Variants in MSRA observed in about 807,000 individuals in gnomAD.
MSRA encodes the protein mitochondrial peptide methionine sulfoxide reductase.
In MSRA, 54 loss-of-function variants were observed where a neutral mutation model predicts 31.3. The ratio of observed to expected loss-of-function variants is 1.73; its 90% CI spans 1.39 to 2.17. The LOEUF (loss-of-function observed/expected upper bound fraction) is 2.17, where lower values mean the gene tolerates loss of function less well. Ranked by LOEUF, MSRA falls within the 30% of genes most tolerant of loss-of-function variation. The pLI is 0.00. For synonymous variants in MSRA, 169 were observed against 116.5 expected, an observed-to-expected ratio of 1.45 and a Z score of -2.90; for missense variants, 507 against 300.9, an observed-to-expected ratio of 1.69 and a Z score of -5.07.
intron 1 of MSRA, among the ~76,000 whole-genome samples, chr8:10,081,475 CACACTGAATTG>C (rs1388101096): frequency 6.6e-6 from 1 of 152,170 alleles, no homozygotes; most frequent in Non-Finnish European, 1.5e-5. Context: ...ACCTCTTTTT[CACACTGAATTG>C]ACTCCTTTTC....
intron 3 of MSRA, among the ~76,000 whole-genome samples, chr8:10,293,957 A>G (rs1191888336): frequency 6.6e-6 from 1 of 152,048 alleles, no homozygotes. Flanking sequence ...TAACCTCAAC[A>G]CTTCGAAAGG....
intron 1 of MSRA, among the ~76,000 whole-genome samples, chr8:10,093,119 G>A (rs1798940240): frequency 6.6e-6 from 1 of 151,916 alleles, no homozygotes; most frequent in African/African-American, 2.4e-5. Context: ...GTTGAATTTT[G>A]TTTTAAAATT....
At chr8:10,365,871 C>G (rs911807707) in intron 5 of MSRA, among the ~76,000 whole-genome samples, 2 of 152,208 alleles carry the variant, frequency 1.3e-5, no homozygotes, top group African/African-American at 2.4e-5. Context: ...ACCCAGGACT[C>G]CTGGCTCCAG....
intron 1 of MSRA, among the ~76,000 whole-genome samples, chr8:10,193,606 C>G (rs7840473): frequency 0.021 from 3,173 of 152,308 alleles, 45 homozygotes; most frequent in Middle Eastern, 0.044. Context: ...TCTCCACTGA[C>G]TTCCCTGAGT....
intron 5 of MSRA, among the ~76,000 whole-genome samples, chr8:10,382,441 T>C (rs1423686951): frequency 6.6e-6 from 1 of 152,212 alleles, no homozygotes; most frequent in Non-Finnish European, 1.5e-5. Context: ...GAAAGGTCCC[T>C]CTAGCAGCTG....
At chr8:10,185,911 A>T (rs1258939473) in intron 1 of MSRA, among the ~76,000 whole-genome samples, 6 of 151,880 alleles carry the variant, frequency 4.0e-5, no homozygotes, top group Non-Finnish European at 8.8e-5. Flanking sequence ...TTTTTCAGAG[A>T]AGGAAAGCAC....
chr8:10,387,043 T>G (rs894755298), intron 5 of MSRA, among the ~76,000 whole-genome samples: 3 of 152,064 alleles, frequency 2.0e-5, no homozygotes, highest in African/African-American at 7.2e-5. Flanking sequence ...AGGTCCAGGG[T>G]GGGGCCTGAG....
At chr8:10,244,334 A>G (rs1019857541) in intron 2 of MSRA, among the ~76,000 whole-genome samples, 8 of 152,184 alleles carry the variant, frequency 5.3e-5, no homozygotes, top group African/African-American at 1.7e-4. Context: ...AACATTTGCG[A>G]CGTGCGTGAG....
intron 5 of MSRA, among the ~76,000 whole-genome samples, chr8:10,380,046 GA>G (rs1385291256): frequency 6.6e-6 from 1 of 152,212 alleles, no homozygotes; most frequent in African/African-American, 2.4e-5. Flanking sequence ...TAGTGAAAGA[GA>G]AATGGTGGAG....
At chr8:10,340,476 G>C (rs1007191572) in intron 5 of MSRA, among the ~76,000 whole-genome samples, 4 of 152,212 alleles carry the variant, frequency 2.6e-5, no homozygotes, top group African/African-American at 9.7e-5. Context: ...GGCTTCAAGT[G>C]ATTCTCGTCC....
chr8:10,204,181 A>C (rs1808744780), intron 1 of MSRA, among the ~76,000 whole-genome samples: 2 of 152,180 alleles, frequency 1.3e-5, no homozygotes, highest in Non-Finnish European at 2.9e-5. Context: ...TCGAAAAGTA[A>C]AAAATAGTTT....
At chr8:10,168,585 G>A (rs1010913385) in intron 1 of MSRA, among the ~76,000 whole-genome samples, 11 of 152,264 alleles carry the variant, frequency 7.2e-5, no homozygotes, top group African/African-American at 2.2e-4. Context: ...ACCCCTATAC[G>A]ATAATGAGTT....
chr8:10,155,015 G>A (rs1432097182), intron 1 of MSRA, among the ~76,000 whole-genome samples: 4 of 106,266 alleles, frequency 3.8e-5, no homozygotes, highest in Non-Finnish European at 5.4e-5. Flanking sequence ...TATATATATA[G>A]GTTTTACCTT....
chr8:10,328,382 A>G (rs1327938387), intron 5 of MSRA, among the ~76,000 whole-genome samples: 1 of 151,544 alleles, frequency 6.6e-6, no homozygotes, highest in African/African-American at 2.4e-5. Flanking sequence ...AGATTAACAG[A>G]TTCTACCTCC....
At chr8:10,368,449 G>C (rs892982423) in intron 5 of MSRA, among the ~76,000 whole-genome samples, 1 of 152,206 alleles carries the variant, frequency 6.6e-6, no homozygotes, top group South Asian at 2.1e-4. Flanking sequence ...TCCTTCCAGG[G>C]GCTGTGAGTG....
rs1286498653 is a variant in MSRA, at chr8:10,054,473, G to T, written c.-44G>T. The T allele has an allele frequency of 2.7e-6, 4 of 1,493,812 alleles. No homozygotes were observed. Among genetic ancestry groups the T allele is most frequent in the Non-Finnish European group, 3.6e-6 (4 of 1,113,926 alleles). 92.5% of individuals were successfully genotyped at this position (1,493,812 alleles called of 1,614,324 possible). On this transcript the variant is annotated 5_prime_UTR_variant, in exon 1 of 6. Transcript: ENST00000317173. The stretch of plus-strand genomic sequence containing the variant: ...CCGTTCCGGCTGCGGCTCCGCTGCC[G>T]GTAGCGCCGTCCCCCGGGACCACCC...
chr8:10,347,559 G>C (rs932155190), intron 5 of MSRA, among the ~76,000 whole-genome samples: 1 of 152,098 alleles, frequency 6.6e-6, no homozygotes, highest in African/African-American at 2.4e-5. Flanking sequence ...GTTCTGGTTT[G>C]GACTCTGACC....
At chr8:10,260,456 G>C (rs771269855) in intron 3 of MSRA, among the ~76,000 whole-genome samples, 3 of 152,160 alleles carry the variant, frequency 2.0e-5, no homozygotes, top group African/African-American at 7.2e-5. Flanking sequence ...CGACTCTAGC[G>C]GCACACGTAC....
At chr8:10,292,970 G>T (rs572862956) in intron 3 of MSRA, among the ~76,000 whole-genome samples, 1 of 152,200 alleles carries the variant, frequency 6.6e-6, no homozygotes, top group South Asian at 2.1e-4. Flanking sequence ...CAGGGAAGGG[G>T]ACAGAGATGA....
Sources: gnomAD v4.1 joint callset for allele counts (sites outside exome capture counted in the v4.1 genomes callset) on GRCh38, gnomAD v4.1.1 for gene constraint, MANE v1.5 for transcripts, NCBI Gene and HGNC (gene_info 2026-07-23, HGNC 2026-07-21) for gene names.